PRR12: variants seen among roughly 807,000 people sequenced by gnomAD.
PRR12 encodes the protein proline-rich protein 12.
Under a neutral mutation model 138.0 loss-of-function variants are expected in PRR12, and 12 were observed. The ratio of observed to expected loss-of-function variants is 0.09; its 90% CI spans 0.06 to 0.14. The LOEUF is 0.14. Ranked by LOEUF, PRR12 falls within the 10% of genes least tolerant of loss-of-function variation. The pLI, the probability that PRR12 is intolerant of heterozygous loss-of-function variation, is 1.00. For synonymous variants in PRR12, 1,567 were observed against 1,291.7 expected (o/e 1.21, Z -4.57); for missense variants, 2,692 against 2,861.3 (o/e 0.94, Z 1.35).
chr19:49,606,083 C>T (rs2080836635), intron 6 of PRR12, among the ~76,000 whole-genome samples: 1 of 152,144 alleles, frequency 6.6e-6, no homozygotes, highest in African/African-American at 2.4e-5. Flanking sequence ...TCACTGAGGC[C>T]TCAAACTCCT....
At chr19:49,612,878 G>A (rs1464460928) in intron 6 of PRR12, among the ~76,000 whole-genome samples, 1 of 151,724 alleles carries the variant, frequency 6.6e-6, no homozygotes, top group Non-Finnish European at 1.5e-5. Context: ...AGGCTGGGCT[G>A]GTCTCAAACT....
chr19:49,598,894 A>G (rs1265214092), intron 4 of PRR12, among the ~76,000 whole-genome samples: 2 of 152,140 alleles, frequency 1.3e-5, no homozygotes, highest in African/African-American at 4.8e-5. Flanking sequence ...TCCTGACCTC[A>G]AGTGATTTGC....
intron 6 of PRR12, among the ~76,000 whole-genome samples, chr19:49,608,946 C>G (rs563219121): frequency 6.6e-6 from 1 of 152,180 alleles, no homozygotes; most frequent in African/African-American, 2.4e-5. Context: ...CTCCTTCCCC[C>G]GTCTGTCAAC....
rs769436721 is a variant in PRR12, at chr19:49,595,960, C to T, written c.1625C>T (p.Ser542Leu). The change falls in exon 4 of 14, where the codon TCG (serine) becomes TTG (leucine). Residue 542 changes from serine (S) to leucine (L), a missense_variant. This residue lies in a region of PRR12 where 523 missense variants were observed against 496.4 expected (regional missense o/e 1.05). Transcript: ENST00000418929. ...SYSTGHSPALSGHGGGWGPSS... is the reference protein window; with the variant it reads ...SYSTGHSPALLGHGGGWGPSS... The stretch of plus-strand genomic sequence containing the variant: ...AGTACCGGCCATTCCCCAGCGCTCT[C>T]GGGCCATGGGGGTGGCTGGGGACCC... 9 of 1,600,510 alleles carry T rather than the reference C, an allele frequency of 5.6e-6. No homozygotes were observed. Among genetic ancestry groups the T allele is most frequent in the African/African-American group, 1.3e-5 (1 of 74,902 alleles).
At chr19:49,604,693 A>G (rs759258464) in intron 6 of PRR12, among the ~76,000 whole-genome samples, 6 of 152,120 alleles carry the variant, frequency 3.9e-5, no homozygotes, top group Non-Finnish European at 8.8e-5. Flanking sequence ...AAATAAAGAA[A>G]AAAAGAATAT....
At chr19:49,620,141 G>T (rs1351279906) in intron 9 of PRR12, among the ~76,000 whole-genome samples, 1 of 152,182 alleles carries the variant, frequency 6.6e-6, no homozygotes, top group Non-Finnish European at 1.5e-5. Flanking sequence ...GAGCCACTGT[G>T]CCTGGCCTTC....
intron 6 of PRR12, among the ~76,000 whole-genome samples, chr19:49,607,361 G>GCACGCACACACACACACA (rs2080844097): frequency 6.8e-6 from 1 of 147,760 alleles, no homozygotes; most frequent in South Asian, 2.1e-4. Flanking sequence ...ATGTACGTGT[G>GCACGCACACACACACACA]CACACACACA....
chr19:49,605,038 A>G (rs1234257884), intron 6 of PRR12, among the ~76,000 whole-genome samples: 1 of 151,966 alleles, frequency 6.6e-6, no homozygotes, highest in Admixed American at 6.6e-5. Flanking sequence ...TTTAGTAGAG[A>G]TGGGGTTTCA....
chr19:49,622,058 A>G (rs1244594038), intron 11 of PRR12, among the ~76,000 whole-genome samples: 4 of 152,168 alleles, frequency 2.6e-5, no homozygotes, highest in Non-Finnish European at 2.9e-5. Context: ...CCAGTGTTAA[A>G]CTGGCTCTGA....
chr19:49,618,024 G>C (rs995345326), intron 9 of PRR12, among the ~76,000 whole-genome samples: 1 of 152,130 alleles, frequency 6.6e-6, no homozygotes, highest in African/African-American at 2.4e-5. Flanking sequence ...CTTGAACCTG[G>C]GAGGCAGAGG....
chr19:49,593,227 T>C, intron 1 of PRR12, 100 bp from the exon 2 acceptor site: 6 of 376,008 alleles, frequency 1.6e-5, no homozygotes, highest in South Asian at 3.1e-5. Flanking sequence ...CCCACCCCGG[T>C]CAGCTGGAAG....
At chr19:49,618,171 CTT>C (rs928396848) in intron 9 of PRR12, among the ~76,000 whole-genome samples, 18 of 152,222 alleles carry the variant, frequency 1.2e-4, no homozygotes, top group Admixed American at 2.6e-4. Flanking sequence ...TTCCTTCTCT[CTT>C]GTTGACCGGC....
Position 49,615,806 on chromosome 19 carries a change from A to C in PRR12, c.5084A>C (p.Lys1695Thr). 1.2e-6 allele frequency: 2 copies of C among 1,612,790 alleles called. No individual in the cohort carries two copies. Among genetic ancestry groups the C allele is most frequent in the Non-Finnish European group, 1.7e-6 (2 of 1,179,408 alleles). ...GGGGGTAGCTCTGCACCTCCCCCTA[A>C]GGCCCCAGCACCACCTCCCAAGCCT... ...SAGGSSAPPP[K>T]APAPPPKPET... The change falls in exon 9 of 14, where the codon AAG becomes ACG. Residue 1695 changes from lysine (K) to threonine (T), a missense_variant. Physicochemically the swap from Lys to Thr is moderately conservative, Grantham distance 78. This residue lies in a region of PRR12 where 259 missense variants were observed against 265.1 expected (regional missense o/e 0.98). Transcript: ENST00000418929.
intron 1 of PRR12, 55 bp from the exon 2 acceptor site, chr19:49,593,272 T>C: frequency 1.2e-6 from 1 of 861,680 alleles, no homozygotes; most frequent in Non-Finnish European, 1.8e-6. Flanking sequence ...TTTCTGAGCT[T>C]CCTTCTCAGA....
intron 6 of PRR12, among the ~76,000 whole-genome samples, chr19:49,609,598 C>CA (rs756447972): frequency 1.9e-3 from 197 of 105,950 alleles, no homozygotes; most frequent in East Asian, 6.3e-3. Context: ...GAGACTGTCT[C>CA]AAAAAAAAAA....
At position 49,597,390 on chromosome 19, in the gene PRR12, C is replaced by T. The variant is rs2080780190; in HGVS notation, c.3055C>T (p.Pro1019Ser). 6.5e-7 allele frequency: 1 copy of T among 1,537,732 alleles called. No homozygotes were observed. Among genetic ancestry groups the T allele is most frequent in the Non-Finnish European group, 8.7e-7 (1 of 1,146,534 alleles). The change falls in exon 4 of 14, where the codon CCC (proline) becomes TCC (serine). Residue 1019 changes from proline to serine, a missense_variant. By Grantham distance (74) the Pro-to-Ser change is moderately conservative (BLOSUM62 -1). This residue lies in a region of PRR12 where 840 missense variants were observed against 689.8 expected (regional missense o/e 1.22). Transcript: ENST00000418929. The surrounding 1 kb of genome is among the most constrained non-coding windows in gnomAD (Gnocchi z 6.3). ...GGACCCCAACAAACCGCCTGAACTGCCCTCCACGGTCAACGCCGAGCCGCT... is the reference window on the plus strand; with the variant it reads ...GGACCCCAACAAACCGCCTGAACTGTCCTCCACGGTCAACGCCGAGCCGCT... ...GLDPNKPPEL[P>S]STVNAEPLGL...
At chr19:49,610,011 GT>G (rs1469572361) in intron 6 of PRR12, among the ~76,000 whole-genome samples, 4 of 149,036 alleles carry the variant, frequency 2.7e-5, no homozygotes, top group Non-Finnish European at 5.9e-5. Context: ...TCTCGCTCTT[GT>G]CCCCCAGACT....
chr19:49,594,595 G>A lies in PRR12; in HGVS notation c.341G>A (p.Arg114His), dbSNP rs973144655. The A allele has an allele frequency of 5.0e-6, 8 of 1,612,054 alleles. No homozygotes were observed. The highest frequency in any genetic ancestry group is 1.3e-5 in the African/African-American group (1 of 74,848). ...GCCTCCTCTCTCCTCTCCCAGTTCC[G>A]CAGTCCTTCCTGGCAAACAGGTAAG... ...PSASSLLSQF[R>H]SPSWQTAMHT... Residue 114 changes from arginine to histidine, a missense_variant, in exon 3 of 14, where the codon CGC becomes CAC. Arg to His is a conservative substitution (Grantham distance 29, BLOSUM62 0). Coordinates refer to ENST00000418929, the MANE Select transcript of PRR12 (RefSeq NM_020719.3). The surrounding 1 kb of genome is among the most constrained non-coding windows in gnomAD (Gnocchi z 5.6).
chr19:49,605,883 T>C (rs1409740891), intron 6 of PRR12, among the ~76,000 whole-genome samples: 2 of 152,252 alleles, frequency 1.3e-5, no homozygotes, highest in African/African-American at 2.4e-5. Context: ...CTTTGCCAAA[T>C]GTACAGACCT....
Sources: allele counts gnomAD v4.1 joint callset (sites outside exome capture counted in the v4.1 genomes callset), GRCh38; gene constraint gnomAD v4.1.1; regional missense constraint gnomAD v4.1.1; non-coding constraint Gnocchi (gnomAD v3.1); transcripts MANE v1.5; gene names NCBI Gene and HGNC (gene_info 2026-07-23, HGNC 2026-07-21).